Variants in EXOC2 observed in about 807,000 individuals in gnomAD.
EXOC2 encodes the protein SEC5-like 1.
In EXOC2, 70 loss-of-function variants were observed where a neutral mutation model predicts 131.8. That is an observed-to-expected ratio of 0.53 (90% CI 0.44 to 0.65). EXOC2 has a LOEUF of 0.65. EXOC2 is among the 30% of genes least tolerant of loss of function. The pLI is 0.00. For synonymous variants in EXOC2, 411 were observed against 398.4 expected, an observed-to-expected ratio of 1.03 and a Z score of -0.38; for missense variants, 923 against 1,108.6, an observed-to-expected ratio of 0.83 and a Z score of 2.38.
chr6:615,612 T>C lies in EXOC2; in HGVS notation c.661+2099A>G, dbSNP rs551351339. 6.0e-5 allele frequency among the ~76,000 whole-genome samples: 9 copies of C among 150,974 alleles called. No individual in the cohort carries two copies. In the South Asian group the frequency reaches 1.9e-3, roughly 32 times the overall value. On this transcript the variant is annotated intron_variant, in intron 6 of 27. Transcript: ENST00000230449. Reference sequence around the variant, plus strand: ...GTGGGCACCTGTAATCCCAGCTACTTGGGAGGCTGAGGCAGGAGAATCATG... The same window carrying C: ...GTGGGCACCTGTAATCCCAGCTACTCGGGAGGCTGAGGCAGGAGAATCATG...
At chr6:507,067 C>A (rs1764579012) in intron 23 of EXOC2, among the ~76,000 whole-genome samples, 1 of 131,046 alleles carries the variant, frequency 7.6e-6, no homozygotes, top group Non-Finnish European at 1.7e-5. Context: ...AGTGATCCCA[C>A]ACACACACAC....
chr6:568,149 T>C (rs1758076677), intron 13 of EXOC2, among the ~76,000 whole-genome samples: 1 of 152,194 alleles, frequency 6.6e-6, no homozygotes, highest in African/African-American at 2.4e-5. Flanking sequence ...AGACATTTGG[T>C]GAAACATTAC....
At chr6:497,702 T>C (rs1053792139) in intron 24 of EXOC2, among the ~76,000 whole-genome samples, 31 of 152,352 alleles carry the variant, frequency 2.0e-4, no homozygotes, top group Non-Finnish European at 3.1e-4. Context: ...AAATACAATA[T>C]TGGCAAATAT....
At chr6:489,102 A>C in intron 26 of EXOC2, 64 bp from the exon 27 acceptor site, 1 of 1,496,124 alleles carries the variant, frequency 6.7e-7, no homozygotes, top group Non-Finnish European at 9.3e-7. Context: ...ACAAATTCTT[A>C]AGCATCCCTT....
At chr6:513,733 C>T (rs1408102208) in intron 23 of EXOC2, among the ~76,000 whole-genome samples, 1 of 152,138 alleles carries the variant, frequency 6.6e-6, no homozygotes, top group Non-Finnish European at 1.5e-5. Context: ...GGTTGTCACT[C>T]AAACATTTTG....
Position 506,591 on chromosome 6 carries a change from T to TC in EXOC2, c.2381-6892dup, listed in dbSNP as rs536987886. 9.2e-5 allele frequency among the ~76,000 whole-genome samples: 14 copies of TC among 152,254 alleles called. No homozygotes were observed. In the South Asian group the frequency reaches 2.9e-3, roughly 32 times the overall value. On this transcript the variant is annotated intron_variant, in intron 23 of 27. Transcript: ENST00000230449. This position sits in a 1 kb window ranked among gnomAD's most constrained non-coding sequence, Gnocchi z 4.4. ...TTTCTAAGCATTTACAACATGTATCTCCTCCACTGTCTGAATATGAAATTA... is the reference window on the plus strand; with the variant it reads ...TTTCTAAGCATTTACAACATGTATCTCCCTCCACTGTCTGAATATGAAATTA...
intron 1 of EXOC2, among the ~76,000 whole-genome samples, chr6:648,537 T>C (rs1287920016): frequency 6.6e-6 from 1 of 152,124 alleles, no homozygotes; most frequent in African/African-American, 2.4e-5. Context: ...CTTTCTTATA[T>C]AAATACACTA....
At position 637,922 on chromosome 6, in the gene EXOC2, T is replaced by C. The variant is rs1411191046; in HGVS notation, c.-43-61A>G. ...CTGAGACAAGCATTGGCTGAAAATA[T>C]AAGAATGCTAGACAGTCAGTACCAA... is the stretch of plus-strand genomic sequence containing the variant. On this transcript the variant is annotated intron_variant, in intron 1 of 27. Coordinates refer to ENST00000230449, the MANE Select transcript of EXOC2 (RefSeq NM_018303.6). 12 of 1,071,972 alleles carry C rather than the reference T, an allele frequency of 1.1e-5. No individual in the cohort carries two copies. In the East Asian group the frequency reaches 1.9e-4, roughly 17 times the overall value. The allele number at this position is 1,071,972 out of a possible 1,614,324, so 66.4% of individuals were successfully genotyped here.
Position 556,560 on chromosome 6 carries a change from C to G in EXOC2, c.1856G>C (p.Cys619Ser), listed in dbSNP as rs759933239. ...VDNEGLTSLP[C>S]QFEQCIVCSL... ...ACACACGATGCACTGTTCAAACTGACATGGCTGAAGGGAAAACAGCATATT... is the reference window on the plus strand; with the variant it reads ...ACACACGATGCACTGTTCAAACTGAGATGGCTGAAGGGAAAACAGCATATT... The change falls in exon 18 of 28, where the codon TGT (cysteine) becomes TCT (serine). Residue 619 changes from cysteine (C) to serine (S), a missense_variant. Physicochemically the swap from Cys to Ser is moderately radical, Grantham distance 112 (BLOSUM62 -1). Coordinates refer to ENST00000230449, the MANE Select transcript of EXOC2 (RefSeq NM_018303.6). 3.7e-6 allele frequency: 6 copies of G among 1,614,012 alleles called. No homozygotes were observed. The Admixed American group carries it at 8.3e-5, about 22-fold the overall frequency.
At chr6:588,902 T>C (rs910153748) in intron 11 of EXOC2, among the ~76,000 whole-genome samples, 16 of 152,170 alleles carry the variant, frequency 1.1e-4, no homozygotes, top group African/African-American at 3.9e-4. Flanking sequence ...TGTGTTTCCC[T>C]CTATCTTTGA....
At chr6:646,729 T>A (rs757024997) in intron 1 of EXOC2, among the ~76,000 whole-genome samples, 4 of 152,242 alleles carry the variant, frequency 2.6e-5, no homozygotes, top group Non-Finnish European at 5.9e-5. Flanking sequence ...AATTGTATGT[T>A]TCAGAATTAT....
intron 22 of EXOC2, 36 bp from the exon 23 acceptor site, chr6:532,646 T>C: frequency 7.1e-7 from 1 of 1,405,530 alleles, no homozygotes; most frequent in Non-Finnish European, 9.3e-7. Flanking sequence ...AGTTGCCTAT[T>C]TGAGGGTGAT....
intron 12 of EXOC2, among the ~76,000 whole-genome samples, chr6:576,420 G>A (rs530939687): frequency 1.5e-4 from 23 of 152,058 alleles, no homozygotes; most frequent in African/African-American, 5.3e-4. Flanking sequence ...TACTTTTATC[G>A]CAAATTCCAT....
In EXOC2 at chr6:564,538, T is replaced by C. The variant is rs373890122; in HGVS notation, c.1667+7A>G. On this transcript the variant is annotated splice_region_variant and intron_variant, in intron 15 of 27. Transcript: ENST00000230449. ...ACGCCTTTCTCTGAGAATGTGTCCA[T>C]ACTCACCTTACAGTCTGGATGGCGT... 1 of 1,614,188 alleles carries C rather than the reference T, an allele frequency of 6.2e-7. No individual in the cohort carries two copies. The highest frequency in any genetic ancestry group is 8.5e-7 in the Non-Finnish European group (1 of 1,180,040).
At chr6:489,095 A>G (rs531495780) in intron 26 of EXOC2, 57 bp from the exon 27 acceptor site, 2 of 1,541,046 alleles carry the variant, frequency 1.3e-6, no homozygotes, top group East Asian at 4.5e-5. Flanking sequence ...ACTGCTGACA[A>G]ATTCTTAAGC....
chr6:562,690 G>T, intron 17 of EXOC2, 94 bp downstream of exon 17: 1 of 766,778 alleles, frequency 1.3e-6, no homozygotes. Flanking sequence ...ATTTAGAGCT[G>T]CAACACATGG....
At chr6:631,482 A>G (rs199506266) in intron 3 of EXOC2, among the ~76,000 whole-genome samples, 28 of 152,122 alleles carry the variant, frequency 1.8e-4, no homozygotes, top group South Asian at 4.2e-4. Flanking sequence ...AGGTTGCAGT[A>G]AGCCAAGATT....
At chr6:495,108 C>A (rs1047954770) in intron 25 of EXOC2, among the ~76,000 whole-genome samples, 10 of 145,450 alleles carry the variant, frequency 6.9e-5, no homozygotes, top group Non-Finnish European at 1.3e-4. Flanking sequence ...AGGCTCCTCT[C>A]GAACCCATGG....
chr6:681,880 C>T (rs1315852267), intron 1 of EXOC2, among the ~76,000 whole-genome samples: 1 of 152,174 alleles, frequency 6.6e-6, no homozygotes. Context: ...GATAATTCCC[C>T]CTTTAGTTAC....
Sources: allele counts gnomAD v4.1 joint callset (sites outside exome capture counted in the v4.1 genomes callset), GRCh38; gene constraint gnomAD v4.1.1; non-coding constraint Gnocchi (gnomAD v3.1); transcripts MANE v1.5; gene names NCBI Gene and HGNC (gene_info 2026-07-23, HGNC 2026-07-21).